Variants in GFRA1 observed in about 807,000 individuals in gnomAD.
GFRA1 encodes the protein GDNF family receptor alpha-1.
GFRA1 carries 16 observed loss-of-function variants against 51.6 expected under a neutral mutation model. The ratio of observed to expected loss-of-function variants is 0.31; its 90% CI spans 0.21 to 0.47. The LOEUF is 0.47. Among genes scored for constraint, GFRA1 ranks in the 20% least tolerant of loss-of-function variants. The probability of loss-of-function intolerance (pLI) is 1.00; values close to 1 mark genes in which losing one functional copy is unlikely to be tolerated. For missense variants in GFRA1, 530 were observed against 594.3 expected (o/e 0.89, Z 1.13); for synonymous variants, 270 against 241.3 (o/e 1.12, Z -1.10).
intron 4 of GFRA1, among the ~76,000 whole-genome samples, chr10:116,233,281 T>C (rs193036736): frequency 7.2e-5 from 11 of 152,038 alleles, no homozygotes; most frequent in Admixed American, 3.9e-4. Flanking sequence ...TGAGCCAAGA[T>C]TGCACCATGG....
At chr10:116,173,900 G>A (rs1231275034) in intron 5 of GFRA1, among the ~76,000 whole-genome samples, 1 of 152,062 alleles carries the variant, frequency 6.6e-6, no homozygotes, top group Non-Finnish European at 1.5e-5. Context: ...GACCAACATA[G>A]AGAAACCCTG....
intron 4 of GFRA1, among the ~76,000 whole-genome samples, chr10:116,237,643 T>A (rs967323988): frequency 8.6e-5 from 13 of 150,708 alleles, no homozygotes; most frequent in Non-Finnish European, 1.8e-4. Context: ...GTTCTTCTTC[T>A]CTAGATAGCT....
At chr10:116,096,970 T>TGGGGCCG (rs1956620402) in intron 6 of GFRA1, among the ~76,000 whole-genome samples, 1 of 152,100 alleles carries the variant, frequency 6.6e-6, no homozygotes, top group Non-Finnish European at 1.5e-5. Flanking sequence ...AACCCCCTCA[T>TGGGGCCG]GTCCCTTTCC....
intron 4 of GFRA1, among the ~76,000 whole-genome samples, chr10:116,224,335 C>T (rs955909798): frequency 6.6e-6 from 1 of 152,204 alleles, no homozygotes; most frequent in African/African-American, 2.4e-5. Flanking sequence ...AGCAATTCCA[C>T]TCCTGGGTAT....
intron 9 of GFRA1, among the ~76,000 whole-genome samples, chr10:116,069,390 T>C (rs1345084738): frequency 2.6e-5 from 4 of 152,176 alleles, no homozygotes; most frequent in Non-Finnish European, 5.9e-5. Flanking sequence ...CTTGAGGTTT[T>C]CATCTTGAGA....
chr10:116,173,545 T>A (rs1961254919), intron 5 of GFRA1, among the ~76,000 whole-genome samples: 1 of 152,210 alleles, frequency 6.6e-6, no homozygotes, highest in Non-Finnish European at 1.5e-5. Flanking sequence ...ATGAAGAGTA[T>A]ACCTATTGCT....
chr10:116,243,817 C>G (rs776456034), intron 4 of GFRA1, among the ~76,000 whole-genome samples: 5 of 152,144 alleles, frequency 3.3e-5, no homozygotes, highest in Non-Finnish European at 5.9e-5. Context: ...CACAGAGCTC[C>G]CTGCATAAAA....
At position 116,086,235 on chromosome 10, in the gene GFRA1, T is replaced by C. The variant is rs763916453; in HGVS notation, c.1197+3506A>G. On this transcript the variant is annotated intron_variant, in intron 9 of 10. Coordinates refer to ENST00000355422, the MANE Select transcript of GFRA1 (RefSeq NM_005264.8). Reference sequence around the variant, plus strand: ...AAACTACACACCTGTTAGTGTAACCTCCCACCAATGTTCCCTAGCACACAC... The same window carrying C: ...AAACTACACACCTGTTAGTGTAACCCCCCACCAATGTTCCCTAGCACACAC... Among the ~76,000 whole-genome samples the C allele has an allele frequency of 1.2e-3, 190 of 152,140 alleles. 1 individual carries two copies. The highest frequency in any genetic ancestry group is 2.7e-3 in the Admixed American group (42 of 15,282).
At chr10:116,144,530 A>G (rs1366281226) in intron 5 of GFRA1, among the ~76,000 whole-genome samples, 2 of 152,128 alleles carry the variant, frequency 1.3e-5, no homozygotes, top group Non-Finnish European at 2.9e-5. Flanking sequence ...CACCCAAGGA[A>G]TGATATAGAT....
At chr10:116,163,725 C>T (rs1030385933) in intron 5 of GFRA1, among the ~76,000 whole-genome samples, 1 of 152,078 alleles carries the variant, frequency 6.6e-6, no homozygotes, top group East Asian at 1.9e-4. Flanking sequence ...GGAATGCACA[C>T]GGTAAGTTTG....
chr10:116,129,495 G>T lies in GFRA1; in HGVS notation c.434-3938C>A, dbSNP rs912407586. 3.9e-5 allele frequency among the ~76,000 whole-genome samples: 6 copies of T among 152,100 alleles called. No individual in the cohort carries two copies. The East Asian group carries it at 5.8e-4, about 15-fold the overall frequency. On this transcript the variant is annotated intron_variant, in intron 5 of 10. Transcript: ENST00000355422. ...CTCATCCATGATAGAAAAAAGTTCA[G>T]CAAATTAAGAATAGAAAAGAATCTC...
chr10:116,270,735 G>A lies in GFRA1; in HGVS notation c.334+87C>T, dbSNP rs1421614616. 5 of 1,085,352 alleles carry A rather than the reference G, an allele frequency of 4.6e-6. No homozygotes were observed. The Admixed American group carries it at 5.3e-5, about 12-fold the overall frequency. The allele number at this position is 1,085,352 out of a possible 1,614,324, so 67.2% of individuals were successfully genotyped here. A position where few individuals can be genotyped will look rare whatever the true frequency, so the allele number is the denominator to read the frequency against. ...CTCTGCAGCTGGGGAGAAGTGAGTG[G>A]AGGATGAGATCAGCTGGCCCAGGGA... On this transcript the variant is annotated intron_variant, in intron 3 of 10. Transcript: ENST00000355422.
At chr10:116,195,530 G>T (rs1372825220) in intron 5 of GFRA1, among the ~76,000 whole-genome samples, 1 of 152,198 alleles carries the variant, frequency 6.6e-6, no homozygotes, top group Admixed American at 6.5e-5. Context: ...TTCATAATCG[G>T]GTTCATGCTC....
intron 4 of GFRA1, among the ~76,000 whole-genome samples, chr10:116,227,025 C>G (rs1399605522): frequency 1.3e-5 from 2 of 152,202 alleles, no homozygotes; most frequent in Non-Finnish European, 2.9e-5. Context: ...TACTCACCTC[C>G]TGCTCTGCAG....
At chr10:116,252,023 T>C (rs1487691604) in intron 4 of GFRA1, among the ~76,000 whole-genome samples, 1 of 143,356 alleles carries the variant, frequency 7.0e-6, no homozygotes, top group Non-Finnish European at 1.5e-5. Flanking sequence ...TGAGTAAAAA[T>C]TTTCTATTTT....
At chr10:116,116,566 T>G (rs1259042640) in intron 6 of GFRA1, among the ~76,000 whole-genome samples, 1 of 152,208 alleles carries the variant, frequency 6.6e-6, no homozygotes, top group African/African-American at 2.4e-5. Flanking sequence ...CACCCACACA[T>G]GCAGGACCCT....
chr10:116,113,859 C>T (rs1957307090), intron 6 of GFRA1, among the ~76,000 whole-genome samples: 1 of 152,172 alleles, frequency 6.6e-6, no homozygotes, highest in Non-Finnish European at 1.5e-5. Context: ...GCAAAGAGCT[C>T]AGCCCAGGGC....
chr10:116,083,108 C>G (rs1474122386), intron 9 of GFRA1, among the ~76,000 whole-genome samples: 1 of 152,214 alleles, frequency 6.6e-6, no homozygotes, highest in Admixed American at 6.5e-5. Context: ...AGCCAGGATT[C>G]TCACTCAGGT....
Position 116,272,169 on chromosome 10 carries a change from A to C in GFRA1, c.-140T>G, listed in dbSNP as rs532241479. On this transcript the variant is annotated 5_prime_UTR_variant, in exon 2 of 11. Coordinates refer to ENST00000355422, the MANE Select transcript of GFRA1 (RefSeq NM_005264.8). The surrounding 1 kb of genome is among the most constrained non-coding windows in gnomAD (Gnocchi z 4.4). ...CCCAAAGTTCAGCTCCATCCAGTGA[A>C]AGAGGAAACTCCGGGTCTGGCAGCA... 2 of 772,702 alleles carry C rather than the reference A, an allele frequency of 2.6e-6. No homozygotes were observed. Among genetic ancestry groups the C allele is most frequent in the African/African-American group, 1.7e-5 (1 of 57,538 alleles). The allele number at this position is 772,702 out of a possible 1,614,324, so 47.9% of individuals were successfully genotyped here. A position where few individuals can be genotyped will look rare whatever the true frequency, so the allele number is the denominator to read the frequency against.
Sources: allele counts gnomAD v4.1 joint callset (sites outside exome capture counted in the v4.1 genomes callset), GRCh38; gene constraint gnomAD v4.1.1; non-coding constraint Gnocchi (gnomAD v3.1); transcripts MANE v1.5; gene names NCBI Gene and HGNC (gene_info 2026-07-23, HGNC 2026-07-21).